NUAK1: variants seen among roughly 807,000 people sequenced by gnomAD.
NUAK1 encodes the protein NUAK family kinase 1.
In NUAK1, 26 loss-of-function variants were observed where a neutral mutation model predicts 56.9. The ratio of observed to expected loss-of-function variants is 0.46; its 90% CI spans 0.33 to 0.63. NUAK1 has a LOEUF of 0.63. Among genes scored for constraint, NUAK1 ranks in the 30% least tolerant of loss-of-function variants. The pLI is 0.02. For synonymous variants in NUAK1, 337 were observed against 336.0 expected (o/e 1.00, Z -0.03); for missense variants, 727 against 876.1 (o/e 0.83, Z 2.15).
Position 106,067,193 on chromosome 12 carries a change from G to A in NUAK1, c.1595C>T (p.Ser532Leu). 6.2e-7 allele frequency: 1 copy of A among 1,614,124 alleles called. No homozygotes were observed. Among genetic ancestry groups the A allele is most frequent in the Non-Finnish European group, 8.5e-7 (1 of 1,180,014 alleles). The stretch of plus-strand genomic sequence containing the variant: ...CAGGGCTGGGTCCATGGTGCCCGCT[G>A]AGTATTTGCTGCTGTGTTTCAAGAT... ...KGILKHSSKYSAGTMDPALVS... is the reference protein window; with the variant it reads ...KGILKHSSKYLAGTMDPALVS... Residue 532 changes from serine to leucine, a missense_variant, in exon 7 of 7, where the codon TCA becomes TTA. Ser to Leu is a moderately radical substitution (Grantham distance 145). Coordinates refer to ENST00000261402, the MANE Select transcript of NUAK1 (RefSeq NM_014840.3). This position sits in a 1 kb window ranked among gnomAD's most constrained non-coding sequence, Gnocchi z 6.0.
chr12:106,082,788 A>T (rs1481725956), intron 4 of NUAK1, among the ~76,000 whole-genome samples: 2 of 152,098 alleles, frequency 1.3e-5, no homozygotes, highest in Non-Finnish European at 2.9e-5. Context: ...ACACCAAAGC[A>T]ACTCCATCCT....
chr12:106,129,593 T>G (rs569908863), intron 1 of NUAK1, among the ~76,000 whole-genome samples: 1 of 152,148 alleles, frequency 6.6e-6, no homozygotes, highest in Non-Finnish European at 1.5e-5. Context: ...TTGAAGGACA[T>G]GGTAAATTCA....
intron 5 of NUAK1, 66 bp downstream of exon 5, chr12:106,072,658 T>C: frequency 6.6e-7 from 1 of 1,518,002 alleles, no homozygotes. Flanking sequence ...TCGAATCCAG[T>C]TTTTGCCCTT....
intron 1 of NUAK1, among the ~76,000 whole-genome samples, chr12:106,134,611 C>A (rs2033111623): frequency 6.6e-6 from 1 of 152,140 alleles, no homozygotes; most frequent in Non-Finnish European, 1.5e-5. Flanking sequence ...TGAACTTGGC[C>A]CCTTGACATC....
intron 1 of NUAK1, among the ~76,000 whole-genome samples, chr12:106,125,181 G>A (rs2136482011): frequency 6.6e-6 from 1 of 152,242 alleles, no homozygotes; most frequent in Non-Finnish European, 1.5e-5. Flanking sequence ...CAGCAGCCAA[G>A]TCTCCCAACA....
chr12:106,065,433 C>A lies in NUAK1; in HGVS notation c.*1369G>T, dbSNP rs2032326487. 1 of 152,164 alleles carries A rather than the reference C, an allele frequency of 6.6e-6. No homozygotes were observed. 9.4% of individuals were successfully genotyped at this position (152,164 alleles called of 1,614,324 possible). ...TTACATGCTTCCTCCCAACCCCCTG[C>A]ACTCTTTCAACACCTTATTCATTTA... On this transcript the variant is annotated 3_prime_UTR_variant, in exon 7 of 7. Transcript: ENST00000261402.
chr12:106,096,891 G>A (rs539724446), intron 2 of NUAK1, among the ~76,000 whole-genome samples: 1 of 152,292 alleles, frequency 6.6e-6, no homozygotes, highest in South Asian at 2.1e-4. Flanking sequence ...GTGAGACCCA[G>A]GCATCAGCAT....
chr12:106,082,903 C>T (rs1024294266), intron 4 of NUAK1, among the ~76,000 whole-genome samples: 9 of 152,184 alleles, frequency 5.9e-5, no homozygotes, highest in Admixed American at 6.5e-5. Context: ...AAGCCACTAA[C>T]GTCACCAGCG....
chr12:106,084,021 T>C (rs1314583060), intron 3 of NUAK1, 92 bp from the exon 4 acceptor site: 3 of 1,080,148 alleles, frequency 2.8e-6, no homozygotes, highest in Non-Finnish European at 4.3e-6. Flanking sequence ...CAAAGGGAAA[T>C]GTCTGACAGA....
At chr12:106,084,794 C>T (rs961339231) in intron 3 of NUAK1, among the ~76,000 whole-genome samples, 6 of 152,080 alleles carry the variant, frequency 3.9e-5, no homozygotes, top group East Asian at 1.9e-4. Flanking sequence ...GCAGTGGGCC[C>T]GAAAGAACTG....
chr12:106,082,885 C>G (rs1301030955), intron 4 of NUAK1, among the ~76,000 whole-genome samples: 2 of 152,192 alleles, frequency 1.3e-5, no homozygotes, highest in Non-Finnish European at 2.9e-5. Context: ...TGCCCAGGGA[C>G]CAGGGATAAG....
At chr12:106,096,303 G>C (rs2032696701) in intron 2 of NUAK1, among the ~76,000 whole-genome samples, 1 of 152,102 alleles carries the variant, frequency 6.6e-6, no homozygotes, top group Admixed American at 6.5e-5. Context: ...CTGATCTCCA[G>C]CCTCTAGAAA....
At chr12:106,097,915 T>A (rs1324065056) in intron 2 of NUAK1, among the ~76,000 whole-genome samples, 1 of 152,182 alleles carries the variant, frequency 6.6e-6, no homozygotes, top group Non-Finnish European at 1.5e-5. Context: ...AAGAGGTGAT[T>A]TTCCAGGGGC....
At chr12:106,133,150 T>C (rs1365663615) in intron 1 of NUAK1, among the ~76,000 whole-genome samples, 1 of 152,194 alleles carries the variant, frequency 6.6e-6, no homozygotes, top group Non-Finnish European at 1.5e-5. Context: ...GCCCTCCCAT[T>C]GTGTCCCAGC....
rs1024147355 is a variant in NUAK1, at chr12:106,064,112, C to T, written c.*2690G>A. 4 of 152,626 alleles carry T rather than the reference C, an allele frequency of 2.6e-5. No homozygotes were observed. Among genetic ancestry groups the T allele is most frequent in the Admixed American group, 1.3e-4 (2 of 15,278 alleles). 9.5% of individuals were successfully genotyped at this position (152,626 alleles called of 1,614,324 possible). On this transcript the variant is annotated 3_prime_UTR_variant, in exon 7 of 7. Coordinates refer to ENST00000261402, the MANE Select transcript of NUAK1 (RefSeq NM_014840.3). ...GAATCTCCTGCTTTGTCCATCAGGT[C>T]CTAAAAGTGTCTCTCACTTGTAATT...
At chr12:106,101,176 G>T (rs567868789) in intron 2 of NUAK1, among the ~76,000 whole-genome samples, 102 of 152,308 alleles carry the variant, frequency 6.7e-4, no homozygotes, top group Non-Finnish European at 1.2e-3. Context: ...GCAGGGGCAG[G>T]TAGGGGCAGG....
intron 6 of NUAK1, among the ~76,000 whole-genome samples, chr12:106,068,825 C>T (rs1482070614): frequency 6.6e-6 from 1 of 152,216 alleles, no homozygotes; most frequent in African/African-American, 2.4e-5. Flanking sequence ...TGCCACCTCC[C>T]CTCAGCTGCT....
intron 1 of NUAK1, among the ~76,000 whole-genome samples, chr12:106,127,163 C>A (rs1226044983): frequency 6.6e-6 from 1 of 152,060 alleles, no homozygotes; most frequent in Admixed American, 6.6e-5. Flanking sequence ...TGAGCATTTT[C>A]TTTTTATTTT....
intron 1 of NUAK1, among the ~76,000 whole-genome samples, chr12:106,107,680 G>A (rs887307214): frequency 3.9e-5 from 6 of 152,236 alleles, no homozygotes; most frequent in African/African-American, 1.4e-4. Flanking sequence ...ACCCCAGCCA[G>A]CCTCAGCAGG....
Sources: allele counts gnomAD v4.1 joint callset (sites outside exome capture counted in the v4.1 genomes callset), GRCh38; gene constraint gnomAD v4.1.1; non-coding constraint Gnocchi (gnomAD v3.1); transcripts MANE v1.5; gene names NCBI Gene and HGNC (gene_info 2026-07-23, HGNC 2026-07-21).